The following PTPRQ variants were observed in gnomAD, a reference collection of about 807,000 sequenced individuals.
PTPRQ encodes the protein phosphatidylinositol phosphatase PTPRQ.
A neutral mutation model predicts 246.0 loss-of-function variants in PTPRQ; 199 were observed. The ratio of observed to expected loss-of-function variants is 0.81; its 90% confidence interval spans 0.72 to 0.91. The LOEUF is 0.91. Among genes scored for constraint, PTPRQ ranks in the 40% least tolerant of loss-of-function variants. The pLI, the probability that PTPRQ is intolerant of heterozygous loss-of-function variation, is 0.00. For synonymous variants in PTPRQ, 869 were observed against 853.2 expected (o/e 1.02, Z -0.32); for missense variants, 2,624 against 2,528.4 (o/e 1.04, Z -0.81).
At chr12:80,446,344 A>G (rs1019985055) in intron 3 of PTPRQ, among the ~76,000 whole-genome samples, 1 of 151,838 alleles carries the variant, frequency 6.6e-6, no homozygotes, top group African/African-American at 2.4e-5. Flanking sequence ...AAGTATACTT[A>G]GTAAAAATAA....
chr12:80,527,144 G>A (rs17006875), intron 17 of PTPRQ, among the ~76,000 whole-genome samples: 53,520 of 151,744 alleles, frequency 0.35, 11,770 homozygotes, highest in African/African-American at 0.62. Context: ...TTGACTAAAT[G>A]TGTTAAAAGA....
intron 14 of PTPRQ, among the ~76,000 whole-genome samples, chr12:80,496,754 G>A (rs1894638510): frequency 6.6e-6 from 1 of 152,132 alleles, no homozygotes; most frequent in East Asian, 1.9e-4. Flanking sequence ...ATCAAAATCT[G>A]TGAATTTTCA....
At position 80,496,363 on chromosome 12, in the gene PTPRQ, C is replaced by T; in HGVS notation, c.2104C>T (p.Leu702=). The change falls in exon 14 of 45, where the codon CTA becomes TTA. Residue 702 remains leucine, a synonymous_variant. Coordinates refer to ENST00000644991, the MANE Select transcript of PTPRQ (RefSeq NM_001145026.2). The part of the protein sequence containing the change: ...PNGIIIAYEV[L]YKNIDTLYMK... Reference sequence around the variant, plus strand: ...TGGGATCATTATTGCTTATGAAGTGCTATATAAAAATATAGATACTTTATA... The same window carrying T: ...TGGGATCATTATTGCTTATGAAGTGTTATATAAAAATATAGATACTTTATA... 1 of 1,550,540 alleles carries T rather than the reference C, an allele frequency of 6.4e-7. No individual in the cohort carries two copies. The highest frequency in any genetic ancestry group is 8.7e-7 in the Non-Finnish European group (1 of 1,146,332).
At chr12:80,618,513 A>G (rs1898853648) in intron 30 of PTPRQ, among the ~76,000 whole-genome samples, 1 of 151,442 alleles carries the variant, frequency 6.6e-6, no homozygotes, top group East Asian at 1.9e-4. Flanking sequence ...TCTAGAAGTT[A>G]TTCTGTTAAT....
intron 29 of PTPRQ, among the ~76,000 whole-genome samples, chr12:80,614,847 A>G (rs1204567298): frequency 1.3e-5 from 2 of 151,036 alleles, no homozygotes; most frequent in Non-Finnish European, 3.0e-5. Flanking sequence ...ATTCATAGTT[A>G]TGGTAGGTAG....
chr12:80,528,090 C>CATAAATAA (rs1025441593), intron 17 of PTPRQ, among the ~76,000 whole-genome samples: 2 of 151,852 alleles, frequency 1.3e-5, no homozygotes, highest in South Asian at 2.1e-4. Flanking sequence ...GACTCTGTCT[C>CATAAATAA]ATAAATAAAT....
intron 9 of PTPRQ, among the ~76,000 whole-genome samples, chr12:80,486,353 A>T (rs373249398): frequency 2.0e-5 from 3 of 152,262 alleles, no homozygotes; most frequent in Non-Finnish European, 4.4e-5. Context: ...TTCTCTGATT[A>T]TATCTTTCTT....
At chr12:80,587,933 T>C (rs1592689570) in intron 25 of PTPRQ, among the ~76,000 whole-genome samples, 196 bp from the exon 26 acceptor site, 1 of 152,206 alleles carries the variant, frequency 6.6e-6, no homozygotes, top group Non-Finnish European at 1.5e-5. Flanking sequence ...TATTTTGTCC[T>C]CTACCCTTTT....
chr12:80,467,162 A>G (rs1402894402), intron 6 of PTPRQ, among the ~76,000 whole-genome samples: 1 of 151,722 alleles, frequency 6.6e-6, no homozygotes, highest in Non-Finnish European at 1.5e-5. Flanking sequence ...AATTTACAAG[A>G]AAAAGCAAAG....
At chr12:80,635,621 T>G (rs919966629) in intron 35 of PTPRQ, among the ~76,000 whole-genome samples, 2 of 152,088 alleles carry the variant, frequency 1.3e-5, no homozygotes, top group African/African-American at 4.8e-5. Context: ...TAAAAACATG[T>G]GTACTAAATA....
chr12:80,646,038 T>C (rs1344101169), intron 35 of PTPRQ, among the ~76,000 whole-genome samples: 1 of 152,174 alleles, frequency 6.6e-6, no homozygotes, highest in Non-Finnish European at 1.5e-5. Context: ...TTTAGCACAA[T>C]ATAGTCTATC....
At chr12:80,536,952 C>T (rs144842498) in intron 19 of PTPRQ, among the ~76,000 whole-genome samples, 7 of 152,204 alleles carry the variant, frequency 4.6e-5, no homozygotes, top group African/African-American at 1.7e-4. Flanking sequence ...TTCTCTTTGT[C>T]CATATCTAAA....
chr12:80,669,906 A>G (rs1335808417), intron 41 of PTPRQ, among the ~76,000 whole-genome samples: 1 of 152,040 alleles, frequency 6.6e-6, no homozygotes, highest in Non-Finnish European at 1.5e-5. Flanking sequence ...TCTTTATGGG[A>G]TCACTTTATG....
intron 9 of PTPRQ, among the ~76,000 whole-genome samples, chr12:80,486,109 T>G: frequency 6.6e-6 from 1 of 152,184 alleles, no homozygotes; most frequent in East Asian, 1.9e-4. Context: ...CAGTTTCTTC[T>G]TCTCTAAGAT....
chr12:80,644,934 A>G (rs1016900894), intron 35 of PTPRQ, among the ~76,000 whole-genome samples: 1 of 152,100 alleles, frequency 6.6e-6, no homozygotes, highest in Non-Finnish European at 1.5e-5. Context: ...ATGTACCTCA[A>G]AATGTCTTCT....
intron 3 of PTPRQ, among the ~76,000 whole-genome samples, chr12:80,455,123 A>G (rs1454491686): frequency 1.3e-5 from 2 of 152,218 alleles, no homozygotes; most frequent in African/African-American, 4.8e-5. Context: ...CAGTGAGCTG[A>G]GATCATGCCA....
chr12:80,532,039 G>A (rs1895859517), intron 17 of PTPRQ, among the ~76,000 whole-genome samples: 1 of 151,752 alleles, frequency 6.6e-6, no homozygotes, highest in South Asian at 2.1e-4. Flanking sequence ...ATAATCTGAG[G>A]CTTTTTTTTT....
At chr12:80,642,012 CCTCT>C (rs1190596432) in intron 35 of PTPRQ, among the ~76,000 whole-genome samples, 1 of 150,492 alleles carries the variant, frequency 6.6e-6, no homozygotes, top group Non-Finnish European at 1.5e-5. Context: ...TTCTTGCTTT[CCTCT>C]CTCTAACGCC....
Position 80,460,687 on chromosome 12 carries a change from G to T in PTPRQ, c.695G>T (p.Ser232Ile). The change falls in exon 6 of 45, where the codon AGC becomes ATC. Residue 232 changes from serine (S) to isoleucine (I), a missense_variant. By Grantham distance (142) the Ser-to-Ile change is moderately radical. Transcript: ENST00000644991. ...NSESFLWSTA[S>I]PSPTLGRVTP... ...GAATCTTTTTTATGGAGTACAGCCA[G>T]CCCTTCTCCAACCCTTGGTAGAGTT... 1 of 398,934 alleles carries T rather than the reference G, an allele frequency of 2.5e-6. No homozygotes were observed. Among genetic ancestry groups the T allele is most frequent in the South Asian group, 1.3e-4 (1 of 7,872 alleles). The allele number at this position is 398,934 out of a possible 1,614,324, so 24.7% of individuals were successfully genotyped here. A position where few individuals can be genotyped will look rare whatever the true frequency, so the allele number is the denominator to read the frequency against.
Sources: gnomAD v4.1 joint callset for allele counts (sites outside exome capture counted in the v4.1 genomes callset) on GRCh38, gnomAD v4.1.1 for gene constraint, MANE v1.5 for transcripts, NCBI Gene and HGNC (gene_info 2026-07-23, HGNC 2026-07-21) for gene names.